Variants in STARD13 observed in about 807,000 individuals in gnomAD.
The protein encoded by STARD13 is StAR related lipid transfer domain containing 13.
A neutral mutation model predicts 106.4 loss-of-function variants in STARD13; 62 were observed. The ratio of observed to expected loss-of-function variants is 0.58; its 90% CI spans 0.48 to 0.72. The LOEUF is 0.72. STARD13 is among the 30% of genes least tolerant of loss of function. The pLI is 0.00. For missense variants in STARD13, 1,387 were observed against 1,424.0 expected (o/e 0.97, Z 0.42); for synonymous variants, 565 against 553.0 (o/e 1.02, Z -0.31).
the STARD13 span, among the ~76,000 whole-genome samples, chr13:33,674,144 G>GCCA: frequency 1.3e-5 from 2 of 152,316 alleles, no homozygotes; most frequent in East Asian, 3.9e-4. Context: ...ACAGGCGTGA[G>GCCA]CCACCGCACC....
At chr13:33,360,726 A>AATC in the STARD13 span, among the ~76,000 whole-genome samples, 37 of 134,568 alleles carry the variant, frequency 2.7e-4, no homozygotes, top group Non-Finnish European at 3.9e-4. Flanking sequence ...AGACAGAAGG[A>AATC]CATATTGTTG....
In STARD13 at chr13:33,225,934, T is replaced by G. The variant is rs373939845; in HGVS notation, c.170-58312A>C. On this transcript the variant is annotated intron_variant, in intron 1 of 13. Transcript: ENST00000336934. ...TTAAAGCCTTAATCCCCAGTGTGAC[T>G]GCATCCTTAAAGATGGGATCTTTTG... Among the ~76,000 whole-genome samples, 25 of 152,340 alleles carry G rather than the reference T, an allele frequency of 1.6e-4. No individual in the cohort carries two copies. The South Asian group carries it at 5.2e-3, about 32-fold the overall frequency.
At chr13:33,324,882 C>A (rs1276435757) in intron 1 of STARD13, among the ~76,000 whole-genome samples, 7 of 152,136 alleles carry the variant, frequency 4.6e-5, no homozygotes, top group Non-Finnish European at 1.0e-4. Context: ...CAAGTTTATC[C>A]CTAACACCTT....
At chr13:33,140,506 T>C (rs1043053003) in intron 4 of STARD13, among the ~76,000 whole-genome samples, 4 of 152,242 alleles carry the variant, frequency 2.6e-5, no homozygotes, top group Non-Finnish European at 4.4e-5. Flanking sequence ...ACTGCTCATG[T>C]TTTAATATTT....
chr13:33,167,012 AACC>A (rs1204865970), intron 2 of STARD13, among the ~76,000 whole-genome samples: 4 of 151,250 alleles, frequency 2.6e-5, no homozygotes, highest in East Asian at 1.9e-4. Flanking sequence ...ACAAAAAAAA[AACC>A]AAAAAAAAAT....
At chr13:33,395,207 AAAGTAAGGATGATT>A in the STARD13 span, among the ~76,000 whole-genome samples, 1 of 152,196 alleles carries the variant, frequency 6.6e-6, no homozygotes, top group Non-Finnish European at 1.5e-5. Flanking sequence ...CTTATAGTTC[AAAGTAAGGATGATT>A]TTTAAAATCT....
chr13:33,542,241 A>G, the STARD13 span, among the ~76,000 whole-genome samples: 2 of 152,194 alleles, frequency 1.3e-5, no homozygotes, highest in African/African-American at 2.4e-5. Context: ...CGGGGGATCA[A>G]GCCGGTTCAC....
At chr13:33,105,775 G>A (rs1873606546) in intron 13 of STARD13, 65 bp from the exon 14 acceptor site, 2 of 1,390,810 alleles carry the variant, frequency 1.4e-6, no homozygotes, top group Non-Finnish European at 2.0e-6. Context: ...AATTAGTTTT[G>A]GTGGACAGGG....
chr13:33,416,755 GAATA>G, the STARD13 span, among the ~76,000 whole-genome samples: 1 of 152,048 alleles, frequency 6.6e-6, no homozygotes, highest in Non-Finnish European at 1.5e-5. Flanking sequence ...GAAAACAAAG[GAATA>G]AATATCTATG....
intron 1 of STARD13, among the ~76,000 whole-genome samples, chr13:33,209,537 G>A (rs1484573583): frequency 6.6e-6 from 1 of 151,720 alleles, no homozygotes; most frequent in East Asian, 1.9e-4. Flanking sequence ...TGCAGTGAAA[G>A]TTCATAAACT....
At chr13:33,227,913 C>G (rs191789455) in intron 1 of STARD13, among the ~76,000 whole-genome samples, 1 of 152,246 alleles carries the variant, frequency 6.6e-6, no homozygotes, top group East Asian at 1.9e-4. Context: ...GTGAGAAGCT[C>G]AAAGCCCATC....
the STARD13 span, among the ~76,000 whole-genome samples, chr13:33,464,050 T>A: frequency 1.4e-5 from 2 of 148,124 alleles, no homozygotes; most frequent in Non-Finnish European, 3.0e-5. Flanking sequence ...TATGTATATG[T>A]ATATGTATAT....
At chr13:33,405,616 A>T in the STARD13 span, among the ~76,000 whole-genome samples, 59 of 152,396 alleles carry the variant, frequency 3.9e-4, 1 homozygote, top group Middle Eastern at 3.4e-3. Context: ...TGGATTTAGA[A>T]AATTAACATA....
intron 1 of STARD13, among the ~76,000 whole-genome samples, chr13:33,196,206 G>A (rs1014389802): frequency 1.3e-5 from 2 of 152,018 alleles, no homozygotes; most frequent in Non-Finnish European, 2.9e-5. Flanking sequence ...CCAATATGGC[G>A]AAACCCCGAC....
the STARD13 span, among the ~76,000 whole-genome samples, chr13:33,428,651 A>T: frequency 1.3e-5 from 2 of 152,198 alleles, no homozygotes; most frequent in Non-Finnish European, 2.9e-5. Context: ...CTTTTATCAA[A>T]AAAACAGGCA....
chr13:33,529,100 A>G, the STARD13 span, among the ~76,000 whole-genome samples: 1 of 152,152 alleles, frequency 6.6e-6, no homozygotes, highest in Non-Finnish European at 1.5e-5. Context: ...TGTGTTATAT[A>G]CTTTATGAGA....
chr13:33,217,477 T>C lies in STARD13; in HGVS notation c.170-49855A>G, dbSNP rs1022004020. ...TGTCAGACTGAGAGCATTTATTTCA[T>C]GGGCAGGAAGCCAGAGTGGCTGCTG... On this transcript the variant is annotated intron_variant, in intron 1 of 13. Transcript: ENST00000336934. Among the ~76,000 whole-genome samples the C allele has an allele frequency of 3.9e-5, 6 of 152,314 alleles. No homozygotes were observed. The East Asian group carries it at 5.8e-4, about 15-fold the overall frequency.
At chr13:33,186,182 C>T (rs1192677328) in intron 1 of STARD13, 2 of 797,620 alleles carry the variant, frequency 2.5e-6, no homozygotes, top group African/African-American at 1.7e-5. Context: ...TTTTCATTCC[C>T]ATTAAAAAGG....
At chr13:33,222,629 C>T (rs1399376336) in intron 1 of STARD13, among the ~76,000 whole-genome samples, 1 of 152,182 alleles carries the variant, frequency 6.6e-6, no homozygotes, top group African/African-American at 2.4e-5. Flanking sequence ...CCTTCTGTTG[C>T]CTTTTCCTAC....
Sources: allele counts gnomAD v4.1 joint callset (sites outside exome capture counted in the v4.1 genomes callset), GRCh38; gene constraint gnomAD v4.1.1; transcripts MANE v1.5; gene names NCBI Gene and HGNC (gene_info 2026-07-23, HGNC 2026-07-21).